ARK2C: variants seen among roughly 807,000 people sequenced by gnomAD.
The protein encoded by ARK2C is arkadia (RNF111) C-terminal like ring finger ubiquitin ligase 2C, also known as E3 ubiquitin-protein ligase ARK2C.
At chr18:46,451,111 G>A in the ARK2C span, among the ~76,000 whole-genome samples, 1 of 152,158 alleles carries the variant, frequency 6.6e-6, no homozygotes, top group African/African-American at 2.4e-5. Context: ...ATAAATACTT[G>A]TCTCTAAATG....
At chr18:46,431,558 CAG>C in the ARK2C span, among the ~76,000 whole-genome samples, 1 of 152,244 alleles carries the variant, frequency 6.6e-6, no homozygotes, top group East Asian at 1.9e-4. Context: ...GCTTAGGTAA[CAG>C]TGTTTTTGGC....
the ARK2C span, among the ~76,000 whole-genome samples, chr18:46,404,936 A>G: frequency 1.3e-5 from 2 of 152,170 alleles, no homozygotes; most frequent in Non-Finnish European, 1.5e-5. Context: ...CACAGCTGGT[A>G]TGTATGATAC....
the ARK2C span, among the ~76,000 whole-genome samples, chr18:46,380,386 A>C: frequency 4.6e-5 from 7 of 152,214 alleles, no homozygotes; most frequent in African/African-American, 1.4e-4. Context: ...GGCCCAGAGG[A>C]ACTTGCTTAA....
the ARK2C span, among the ~76,000 whole-genome samples, chr18:46,434,639 G>C: frequency 3.9e-5 from 6 of 152,270 alleles, no homozygotes; most frequent in African/African-American, 1.4e-4. Flanking sequence ...CACCTGAAAG[G>C]GTTGCAGGGA....
At chr18:46,399,388 C>T in the ARK2C span, among the ~76,000 whole-genome samples, 1 of 152,202 alleles carries the variant, frequency 6.6e-6, no homozygotes, top group East Asian at 1.9e-4. Flanking sequence ...GTCCCCCGCC[C>T]CCCATTTTAG....
the ARK2C span, chr18:46,459,963 C>T: frequency 6.6e-6 from 1 of 152,622 alleles, no homozygotes; most frequent in Non-Finnish European, 1.5e-5. Flanking sequence ...CGCGGGTCCA[C>T]CGAGGACGCC....
chr18:46,336,378 C>T, the ARK2C span: 1 of 972,446 alleles, frequency 1.0e-6, no homozygotes, highest in Admixed American at 6.4e-5. Flanking sequence ...CCCTCACCCC[C>T]CCCAACAAAA....
chr18:46,354,178 G>A, the ARK2C span, among the ~76,000 whole-genome samples: 1,065 of 152,344 alleles, frequency 7.0e-3, 7 homozygotes, highest in Non-Finnish European at 0.011. Context: ...CGAAGGCCCA[G>A]GGAAGGGCAT....
the ARK2C span, among the ~76,000 whole-genome samples, chr18:46,380,699 G>C: frequency 5.3e-5 from 8 of 152,176 alleles, no homozygotes; most frequent in Admixed American, 3.9e-4. Flanking sequence ...CAGTATCTGA[G>C]ACTCTGGAGC....
chr18:46,391,855 C>A, the ARK2C span, among the ~76,000 whole-genome samples: 1 of 151,656 alleles, frequency 6.6e-6, no homozygotes, highest in Admixed American at 6.6e-5. Context: ...CTGCACAATA[C>A]ACCCCCCATA....
At chr18:46,393,402 G>A in the ARK2C span, among the ~76,000 whole-genome samples, 1 of 152,196 alleles carries the variant, frequency 6.6e-6, no homozygotes, top group East Asian at 1.9e-4. Flanking sequence ...GCTCTCTGTG[G>A]GAGGCAGGCC....
chr18:46,392,453 C>G, the ARK2C span, among the ~76,000 whole-genome samples: 2 of 152,190 alleles, frequency 1.3e-5, no homozygotes. Flanking sequence ...CCACATTTGG[C>G]GGGAATGGAC....
chr18:46,399,424 G>A, the ARK2C span, among the ~76,000 whole-genome samples: 2 of 152,244 alleles, frequency 1.3e-5, no homozygotes, highest in Non-Finnish European at 2.9e-5. Flanking sequence ...GGGGCCTCCA[G>A]GGAATGTGTG....
chr18:46,408,027 G>A, the ARK2C span, among the ~76,000 whole-genome samples: 1 of 152,322 alleles, frequency 6.6e-6, no homozygotes, highest in Non-Finnish European at 1.5e-5. Context: ...CATCATGGAT[G>A]GGGTGGCAGG....
chr18:46,374,332 G>A, the ARK2C span, among the ~76,000 whole-genome samples: 2 of 151,968 alleles, frequency 1.3e-5, no homozygotes, highest in African/African-American at 4.8e-5. Context: ...CATTCACATC[G>A]CTGTGCTATT....
chr18:46,434,409 T>G, the ARK2C span, among the ~76,000 whole-genome samples: 1 of 152,162 alleles, frequency 6.6e-6, no homozygotes, highest in Admixed American at 6.5e-5. Context: ...ATATATAAAT[T>G]TAGTGAGAAG....
At chr18:46,394,977 A>G in the ARK2C span, among the ~76,000 whole-genome samples, 1 of 152,224 alleles carries the variant, frequency 6.6e-6, no homozygotes, top group Non-Finnish European at 1.5e-5. Flanking sequence ...ATGTCCATGC[A>G]AAGCCTCATG....
the ARK2C span, among the ~76,000 whole-genome samples, chr18:46,409,508 G>A: frequency 2.8e-4 from 42 of 152,168 alleles, no homozygotes; most frequent in African/African-American, 8.9e-4. Flanking sequence ...TAGAAGAGAC[G>A]TCTGACTCTG....
chr18:46,434,248 C>T, the ARK2C span, among the ~76,000 whole-genome samples: 3 of 152,042 alleles, frequency 2.0e-5, no homozygotes, highest in Admixed American at 6.5e-5. Flanking sequence ...ATGAAGACTA[C>T]GAAGAGCTTC....
Sources: gnomAD v4.1 joint callset for allele counts (sites outside exome capture counted in the v4.1 genomes callset) on GRCh38, gnomAD v4.1.1 for gene constraint, MANE v1.5 for transcripts, NCBI Gene and HGNC (gene_info 2026-07-23, HGNC 2026-07-21) for gene names.